TNR: variants seen among roughly 807,000 people sequenced by gnomAD.
The protein encoded by TNR is tenascin R.
TNR carries 45 observed loss-of-function variants against 150.4 expected under a neutral mutation model. That is an observed-to-expected ratio of 0.30 (90% CI 0.24 to 0.38). TNR has a LOEUF of 0.38. TNR is among the 10% of genes least tolerant of loss of function. The pLI, the probability that TNR is intolerant of heterozygous loss-of-function variation, is 1.00. For synonymous variants in TNR, 687 were observed against 678.4 expected (o/e 1.01, Z -0.20); for missense variants, 1,544 against 1,759.1 (o/e 0.88, Z 2.19).
chr1:175,415,291 C>G (rs922069863), intron 2 of TNR, among the ~76,000 whole-genome samples: 1 of 152,162 alleles, frequency 6.6e-6, no homozygotes, highest in Non-Finnish European at 1.5e-5. Context: ...GTGGAGGCAG[C>G]GCTGGGCTGC....
intron 19 of TNR, among the ~76,000 whole-genome samples, chr1:175,336,921 C>T (rs1650279262): frequency 6.6e-6 from 1 of 152,204 alleles, no homozygotes. Context: ...TTGAGTCTTA[C>T]TCACTCTGTC....
At chr1:175,408,080 T>C (rs1368571643) in intron 2 of TNR, among the ~76,000 whole-genome samples, 1 of 152,200 alleles carries the variant, frequency 6.6e-6, no homozygotes, top group Non-Finnish European at 1.5e-5. Flanking sequence ...GCTGAATTCA[T>C]GTCCCTCTCT....
intron 1 of TNR, among the ~76,000 whole-genome samples, chr1:175,643,278 G>A (rs60304190): frequency 6.6e-6 from 1 of 152,282 alleles, no homozygotes; most frequent in South Asian, 2.1e-4. Context: ...GAGGACTTAT[G>A]TGACATCTTA....
intron 18 of TNR, among the ~76,000 whole-genome samples, 157 bp downstream of exon 18, chr1:175,354,234 G>C (rs556453661): frequency 6.6e-6 from 1 of 152,336 alleles, no homozygotes; most frequent in East Asian, 1.9e-4. Flanking sequence ...TTGTTAGTGA[G>C]AGGTTTCCTG....
intron 1 of TNR, among the ~76,000 whole-genome samples, chr1:175,633,122 A>G (rs1664385114): frequency 6.6e-6 from 1 of 152,084 alleles, no homozygotes; most frequent in African/African-American, 2.4e-5. Flanking sequence ...CAACTCCCCA[A>G]ACTGAGTTAG....
At chr1:175,471,934 A>T (rs1212331614) in intron 2 of TNR, among the ~76,000 whole-genome samples, 1 of 151,870 alleles carries the variant, frequency 6.6e-6, no homozygotes, top group Non-Finnish European at 1.5e-5. Context: ...GCTTTTTTCT[A>T]TTTCTAATTT....
At chr1:175,487,479 C>G (rs1283279049) in intron 2 of TNR, among the ~76,000 whole-genome samples, 1 of 152,200 alleles carries the variant, frequency 6.6e-6, no homozygotes, top group East Asian at 1.9e-4. Flanking sequence ...CTTCTTCCTT[C>G]TGGAAACTGC....
chr1:175,399,120 A>C (rs1313718087), intron 4 of TNR, among the ~76,000 whole-genome samples: 2 of 152,220 alleles, frequency 1.3e-5, no homozygotes, highest in Non-Finnish European at 2.9e-5. Flanking sequence ...GACGATCTTA[A>C]TAGGTGTGAT....
chr1:175,405,561 TTGTG>T (rs1303188279), intron 3 of TNR, among the ~76,000 whole-genome samples: 2 of 152,022 alleles, frequency 1.3e-5, no homozygotes, highest in East Asian at 3.9e-4. Flanking sequence ...TGTGAGTGTG[TTGTG>T]TGTGAGAGCA....
At chr1:175,707,730 A>G (rs982713918) in intron 1 of TNR, among the ~76,000 whole-genome samples, 4 of 152,196 alleles carry the variant, frequency 2.6e-5, no homozygotes, top group Non-Finnish European at 5.9e-5. Flanking sequence ...ATCAGAAATT[A>G]TTCGGAAGGT....
rs747094641 is a variant in TNR at position 175,354,456 on chromosome 1, G to A, written c.3317C>T (p.Thr1106Met). 2.2e-5 allele frequency: 35 copies of A among 1,614,072 alleles called. No homozygotes were observed. The highest frequency in any genetic ancestry group is 8.3e-5 in the Admixed American group (5 of 60,022). The change falls in exon 18 of 23, where the codon ACG becomes ATG. Residue 1106 changes from threonine to methionine, a missense_variant. Around this residue, in one of 2 missense-constraint regions of TNR, gnomAD observed 290 missense variants for 429.7 expected, o/e 0.67. Coordinates refer to ENST00000367674, the MANE Select transcript of TNR (RefSeq NM_003285.3). ...GTCCTGTGCTGCCTGCAGGAGCACCGTGTAGTCTGTGTTCTCCAACAGGCC... is the reference window on the plus strand; with the variant it reads ...GTCCTGTGCTGCCTGCAGGAGCACCATGTAGTCTGTGTTCTCCAACAGGCC... ...LEGLLENTDY[T>M]VLLQAAQDTT...
chr1:175,654,965 G>T (rs58857551), intron 1 of TNR, among the ~76,000 whole-genome samples: 19 of 151,922 alleles, frequency 1.3e-4, no homozygotes, highest in African/African-American at 3.1e-4. Context: ...CTCGTGATCC[G>T]CCCACCTCAG....
chr1:175,665,477 C>A (rs1402028914), intron 1 of TNR, among the ~76,000 whole-genome samples: 1 of 152,144 alleles, frequency 6.6e-6, no homozygotes, highest in Non-Finnish European at 1.5e-5. Context: ...CCACTCATAT[C>A]CTGGAGGGTC....
intron 1 of TNR, among the ~76,000 whole-genome samples, chr1:175,557,065 A>G (rs1458496852): frequency 3.3e-5 from 5 of 152,208 alleles, no homozygotes; most frequent in African/African-American, 1.2e-4. Context: ...CCACTGCCCA[A>G]TAATCAGGAA....
chr1:175,378,302 CTTCATTCATTCA>C lies in TNR; in HGVS notation c.1963+1238_1963+1249del, dbSNP rs71299425. ...CCCAAGTCATAGTGAACTTCTGCAGCTTCATTCATTCATTCATTCATTCATTCATTCAGGAAA... is the reference window on the plus strand; with the variant it reads ...CCCAAGTCATAGTGAACTTCTGCAGCTTCATTCATTCATTCATTCAGGAAA... On this transcript the variant is annotated intron_variant, in intron 9 of 22. Coordinates refer to ENST00000367674, the MANE Select transcript of TNR (RefSeq NM_003285.3). Among the ~76,000 whole-genome samples, 889 of 151,220 alleles carry C rather than the reference CTTCATTCATTCA, an allele frequency of 5.9e-3. 3 individuals carry two copies. Among genetic ancestry groups the C allele is most frequent in the South Asian group, 0.023 (111 of 4,760 alleles).
At chr1:175,371,777 CAACTAGGTTTGG>C (rs1294184635) in intron 9 of TNR, among the ~76,000 whole-genome samples, 1 of 152,142 alleles carries the variant, frequency 6.6e-6, no homozygotes, top group Non-Finnish European at 1.5e-5. Context: ...ATACATGATA[CAACTAGGTTTGG>C]AACCCAAGTC....
chr1:175,614,671 C>CT (rs1032813050), intron 1 of TNR, among the ~76,000 whole-genome samples: 1 of 152,156 alleles, frequency 6.6e-6, no homozygotes, highest in African/African-American at 2.4e-5. Flanking sequence ...GGGCAGTTCC[C>CT]TTGGTGACCT....
chr1:175,448,037 G>T (rs1006101227), intron 2 of TNR, among the ~76,000 whole-genome samples: 1 of 151,978 alleles, frequency 6.6e-6, no homozygotes, highest in South Asian at 2.1e-4. Flanking sequence ...ATAGACTTCC[G>T]GATTCACTGT....
chr1:175,693,473 CT>C (rs1666433187), intron 1 of TNR, among the ~76,000 whole-genome samples: 1 of 152,234 alleles, frequency 6.6e-6, no homozygotes, highest in Non-Finnish European at 1.5e-5. Flanking sequence ...TGATCATCCC[CT>C]GTGTCACATG....
Sources: gnomAD v4.1 joint callset for allele counts (sites outside exome capture counted in the v4.1 genomes callset) on GRCh38, gnomAD v4.1.1 for gene constraint, gnomAD v4.1.1 regional missense constraint, MANE v1.5 for transcripts, NCBI Gene and HGNC (gene_info 2026-07-23, HGNC 2026-07-21) for gene names.